Variants in WDR25 observed in about 807,000 individuals in gnomAD.
WDR25 encodes the protein WD repeat domain 25.
WDR25 carries 35 observed loss-of-function variants against 47.7 expected under a neutral mutation model. The ratio of observed to expected loss-of-function variants is 0.73; its 90% CI spans 0.56 to 0.97. WDR25 has a LOEUF of 0.97. Among genes scored for constraint, WDR25 ranks in the 50% least tolerant of loss-of-function variants. The probability of loss-of-function intolerance (pLI) is 0.00; values close to 1 mark genes in which losing one functional copy is unlikely to be tolerated. For missense variants in WDR25, 634 were observed against 704.7 expected, an observed-to-expected ratio of 0.90 and a Z score of 1.14; for synonymous variants, 248 against 278.9, an observed-to-expected ratio of 0.89 and a Z score of 1.10.
chr14:100,496,828 CTTTTTTTTTTT>C (rs1226765543), intron 4 of WDR25, among the ~76,000 whole-genome samples: 8 of 73,434 alleles, frequency 1.1e-4, no homozygotes, highest in African/African-American at 3.5e-4. Context: ...TTCTTTAATT[CTTTTTTTTTTT>C]TTTTTTTTTT....
At position 100,381,298 on chromosome 14, in the gene WDR25, G is replaced by A. The variant is rs777601790; in HGVS notation, c.374G>A (p.Ser125Asn). ...CTGTGGACGAGCCATGTTCCAGCCA[G>A]CCACATGCCCCTGGCAGCTGCCCGC... ...SSLWTSHVPA[S>N]HMPLAAARFK... The change falls in exon 2 of 7, where the codon AGC becomes AAC. Residue 125 changes from serine to asparagine, a missense_variant. Transcript: ENST00000402312. 5.0e-6 allele frequency: 8 copies of A among 1,614,222 alleles called. No homozygotes were observed. Among genetic ancestry groups the A allele is most frequent in the Non-Finnish European group, 5.1e-6 (6 of 1,180,042 alleles).
At position 100,525,995 on chromosome 14, in the gene WDR25, C is replaced by T. The variant is rs1298043028; in HGVS notation, c.1227C>T (p.Ala409=). The change falls in exon 5 of 7, where the codon GCC becomes GCT. Residue 409 remains alanine (A), a synonymous_variant. Coordinates refer to ENST00000402312, the MANE Select transcript of WDR25 (RefSeq NM_001161476.3). This position sits in a 1 kb window ranked among gnomAD's most constrained non-coding sequence, Gnocchi z 4.6. Reference sequence around the variant, plus strand: ...ACTCAGCTGACCGCACCATTATTGCCTGGGATTTCCGGACCTCTGCCAAAA... The same window carrying T: ...ACTCAGCTGACCGCACCATTATTGCTTGGGATTTCCGGACCTCTGCCAAAA... ...TRDSADRTII[A]WDFRTSAKIS... 6.2e-7 allele frequency: 1 copy of T among 1,614,112 alleles called. No individual in the cohort carries two copies. Among genetic ancestry groups the T allele is most frequent in the South Asian group, 1.1e-5 (1 of 91,088 alleles).
chr14:100,458,057 A>G (rs980953451), intron 2 of WDR25, among the ~76,000 whole-genome samples: 9 of 152,236 alleles, frequency 5.9e-5, no homozygotes, highest in African/African-American at 2.2e-4. Context: ...AACCCAAACC[A>G]TATCAATTAT....
At chr14:100,517,266 A>G (rs1477166757) in intron 4 of WDR25, among the ~76,000 whole-genome samples, 1 of 151,556 alleles carries the variant, frequency 6.6e-6, no homozygotes, top group Non-Finnish European at 1.5e-5. Context: ...TTTAGTAGAG[A>G]TGGGGTTTCA....
intron 3 of WDR25, among the ~76,000 whole-genome samples, chr14:100,471,766 TAC>T (rs1899844581): frequency 6.6e-6 from 1 of 152,216 alleles, no homozygotes; most frequent in South Asian, 2.1e-4. Context: ...TGGCCTGAAA[TAC>T]GGAGGGCCAG....
intron 4 of WDR25, among the ~76,000 whole-genome samples, chr14:100,495,593 C>T (rs1410127198): frequency 5.9e-5 from 9 of 152,108 alleles, no homozygotes; most frequent in Admixed American, 5.9e-4. Context: ...GTTTTCTGGC[C>T]CTGGTTCCTG....
chr14:100,493,043 T>C (rs75847790), intron 4 of WDR25, among the ~76,000 whole-genome samples: 1,975 of 152,298 alleles, frequency 0.013, 45 homozygotes, highest in African/African-American at 0.045. Context: ...ACTCCTGGCC[T>C]CAAGCGATTC....
intron 2 of WDR25, among the ~76,000 whole-genome samples, chr14:100,409,412 C>G (rs1897639971): frequency 6.6e-6 from 1 of 152,000 alleles, no homozygotes; most frequent in Admixed American, 6.6e-5. Flanking sequence ...TGTCACCATG[C>G]AGAGGACCCC....
chr14:100,393,282 C>G (rs1414186993), intron 2 of WDR25, among the ~76,000 whole-genome samples: 2 of 152,234 alleles, frequency 1.3e-5, no homozygotes, highest in East Asian at 3.8e-4. Flanking sequence ...AACAGAAGTG[C>G]TCTCTTTCTG....
intron 2 of WDR25, among the ~76,000 whole-genome samples, chr14:100,395,273 T>TA (rs1271755644): frequency 6.6e-6 from 1 of 152,158 alleles, no homozygotes; most frequent in African/African-American, 2.4e-5. Flanking sequence ...TGGCTTAGGG[T>TA]AAGTTACTTA....
At chr14:100,497,207 G>T (rs1309106421) in intron 4 of WDR25, among the ~76,000 whole-genome samples, 1 of 152,202 alleles carries the variant, frequency 6.6e-6, no homozygotes, top group African/African-American at 2.4e-5. Context: ...TTTTGCTGTT[G>T]TTGGGTGGAG....
chr14:100,409,145 T>C (rs1897632554), intron 2 of WDR25, among the ~76,000 whole-genome samples: 1 of 152,188 alleles, frequency 6.6e-6, no homozygotes, highest in Non-Finnish European at 1.5e-5. Context: ...TCCAAACAAC[T>C]CTGCCGTTTT....
intron 2 of WDR25, among the ~76,000 whole-genome samples, chr14:100,386,765 C>T (rs1208373855): frequency 6.6e-6 from 1 of 151,968 alleles, no homozygotes; most frequent in Non-Finnish European, 1.5e-5. Context: ...CGGTGGTGGG[C>T]GGCTGTAGTC....
In WDR25 at chr14:100,522,948, G is replaced by T. The variant is rs561781022; in HGVS notation, c.1102-2922G>T. 2.0e-5 allele frequency among the ~76,000 whole-genome samples: 3 copies of T among 152,266 alleles called. No individual in the cohort carries two copies. The East Asian group carries it at 5.8e-4, about 29-fold the overall frequency. ...CAAGGTCTTGGAGCAGCTTTCCTTT[G>T]TCTCCACGTCTGAGGCACAGGGCAG... On this transcript the variant is annotated intron_variant, in intron 4 of 6. Transcript: ENST00000402312.
rs1897167920 is a variant in WDR25 at position 100,392,526 on chromosome 14, C to A, written c.822+10780C>A. ...CCATAAGCAAAATCCACCAACTCGA[C>A]CATACACTGAAATTATCATTATCCT... On this transcript the variant is annotated intron_variant, in intron 2 of 6. Transcript: ENST00000402312. This position sits in a 1 kb window ranked among gnomAD's most constrained non-coding sequence, Gnocchi z 4.2. Among the ~76,000 whole-genome samples, 1 of 152,026 alleles carries A rather than the reference C, an allele frequency of 6.6e-6. No homozygotes were observed. The highest frequency in any genetic ancestry group is 1.5e-5 in the Non-Finnish European group (1 of 68,008).
chr14:100,527,361 C>T (rs993658586), intron 5 of WDR25, among the ~76,000 whole-genome samples: 1 of 152,218 alleles, frequency 6.6e-6, no homozygotes, highest in African/African-American at 2.4e-5. Context: ...CCACTACCAC[C>T]GCCATCATCA....
intron 4 of WDR25, among the ~76,000 whole-genome samples, chr14:100,513,938 CTTT>C (rs761749635): frequency 2.8e-5 from 4 of 141,440 alleles, no homozygotes; most frequent in Admixed American, 7.0e-5. Context: ...ATCTTTTTTA[CTTT>C]TTTTTTTTTT....
intron 2 of WDR25, among the ~76,000 whole-genome samples, chr14:100,413,603 T>C (rs1022315198): frequency 1.3e-5 from 2 of 151,768 alleles, no homozygotes; most frequent in Non-Finnish European, 2.9e-5. Flanking sequence ...TTAGTAGAGA[T>C]GGGGTTTCAC....
At chr14:100,436,558 A>G (rs562718170) in intron 2 of WDR25, among the ~76,000 whole-genome samples, 8 of 152,310 alleles carry the variant, frequency 5.3e-5, no homozygotes, top group African/African-American at 1.9e-4. Context: ...TGATGGCACT[A>G]TGTGGCAGTG....
Sources: gnomAD v4.1 joint callset for allele counts (sites outside exome capture counted in the v4.1 genomes callset) on GRCh38, gnomAD v4.1.1 for gene constraint, Gnocchi (gnomAD v3.1) non-coding constraint, MANE v1.5 for transcripts, NCBI Gene and HGNC (gene_info 2026-07-23, HGNC 2026-07-21) for gene names.